Variants in GPC3 observed in about 807,000 individuals in gnomAD.
GPC3 encodes the protein glypican-3.
Under a neutral mutation model 34.4 loss-of-function variants are expected in GPC3, and 3 were observed. The observed-to-expected ratio is 0.09, with a 90% confidence interval of 0.04 to 0.23. GPC3 has a LOEUF of 0.23. Among genes scored for constraint, GPC3 ranks in the 10% least tolerant of loss-of-function variants. GPC3 has a pLI of 1.00. For missense variants in GPC3, 351 were observed against 445.6 expected, an observed-to-expected ratio of 0.79 and a Z score of 1.91; for synonymous variants, 177 against 174.0, an observed-to-expected ratio of 1.02 and a Z score of -0.13.
intron 5 of GPC3, among the ~76,000 whole-genome samples, chrX:133,667,685 C>T (rs1041434985): frequency 9.2e-6 from 1 of 109,093 alleles, no homozygotes; most frequent in African/African-American, 3.3e-5. Flanking sequence ...GCCTCATCTC[C>T]ACAAAAGACA....
intron 6 of GPC3, among the ~76,000 whole-genome samples, chrX:133,657,054 T>C (rs1396389266): frequency 8.9e-6 from 1 of 111,841 alleles, no homozygotes; most frequent in African/African-American, 3.2e-5. Flanking sequence ...GATGAGACTT[T>C]ATCTAACTTT....
intron 6 of GPC3, among the ~76,000 whole-genome samples, chrX:133,650,478 C>T (rs2088065020): frequency 9.0e-6 from 1 of 110,518 alleles, no homozygotes; most frequent in Admixed American, 9.7e-5. Context: ...CACACACACA[C>T]ACACACACAC....
At chrX:133,946,935 G>C (rs1188495095) in intron 2 of GPC3, among the ~76,000 whole-genome samples, 1 of 110,568 alleles carries the variant, frequency 9.0e-6, no homozygotes, top group Admixed American at 9.6e-5. Context: ...GAAGGGAAGG[G>C]GCTTTTAATT....
intron 1 of GPC3, 132 bp downstream of exon 1, chrX:133,985,143 C>T (rs2076560815): frequency 3.0e-6 from 2 of 675,245 alleles, no homozygotes; most frequent in South Asian, 2.5e-5. Context: ...CCAGGCACAC[C>T]GACCACTCCC....
intron 2 of GPC3, among the ~76,000 whole-genome samples, chrX:133,838,250 C>T (rs1236453398): frequency 3.6e-5 from 4 of 112,045 alleles, no homozygotes; most frequent in African/African-American, 1.3e-4. Context: ...TTTATTTTTT[C>T]CTGAAATACT....
chrX:133,643,146 G>A (rs2124382464), intron 6 of GPC3, among the ~76,000 whole-genome samples: 1 of 111,969 alleles, frequency 8.9e-6, no homozygotes, highest in South Asian at 3.8e-4. Context: ...CTAGAATCCT[G>A]GATGGTGTAG....
chrX:133,653,347 C>T (rs946998453), intron 6 of GPC3, among the ~76,000 whole-genome samples: 4 of 111,978 alleles, frequency 3.6e-5, no homozygotes, highest in Non-Finnish European at 5.6e-5. Context: ...AATCTGAATA[C>T]ACTGCCCTAA....
At chrX:133,665,764 A>T (rs1343345245) in intron 5 of GPC3, among the ~76,000 whole-genome samples, 1 of 111,880 alleles carries the variant, frequency 8.9e-6, no homozygotes, top group African/African-American at 3.2e-5. Flanking sequence ...CTCCTCTTTT[A>T]TGTTCATATA....
At chrX:133,705,761 C>T (rs1036113516) in intron 3 of GPC3, among the ~76,000 whole-genome samples, 1 of 112,332 alleles carries the variant, frequency 8.9e-6, no homozygotes, top group African/African-American at 3.2e-5. Flanking sequence ...ATTCTCTAAA[C>T]ATATTCCAAG....
chrX:133,887,414 A>G (rs1174393342), intron 2 of GPC3, among the ~76,000 whole-genome samples: 5 of 112,152 alleles, frequency 4.5e-5, no homozygotes, highest in Admixed American at 1.9e-4. Flanking sequence ...TGTTTCCCTA[A>G]TGATTAGTGA....
At chrX:133,639,010 T>C (rs986252655) in intron 6 of GPC3, among the ~76,000 whole-genome samples, 8 of 111,161 alleles carry the variant, frequency 7.2e-5, no homozygotes, top group African/African-American at 2.6e-4. Context: ...TAATTCAAAT[T>C]TATAACTGCC....
intron 2 of GPC3, among the ~76,000 whole-genome samples, chrX:133,824,714 A>G (rs1472431585): frequency 9.0e-6 from 1 of 111,301 alleles, no homozygotes; most frequent in Non-Finnish European, 1.9e-5. Flanking sequence ...ATAAATATGT[A>G]CAATTACAAT....
intron 6 of GPC3, among the ~76,000 whole-genome samples, chrX:133,659,333 C>T (rs1419622404): frequency 8.9e-6 from 1 of 112,139 alleles, no homozygotes; most frequent in Admixed American, 9.5e-5. Context: ...TAGTGACTGC[C>T]TGATCATATA....
chrX:133,915,169 TTTTA>T (rs752886175), intron 2 of GPC3, among the ~76,000 whole-genome samples: 1 of 108,596 alleles, frequency 9.2e-6, no homozygotes, highest in South Asian at 4.0e-4. Flanking sequence ...ATAATTGTCT[TTTTA>T]TTTATTTATT....
At chrX:133,818,627 G>C (rs1441289634) in intron 2 of GPC3, among the ~76,000 whole-genome samples, 1 of 111,584 alleles carries the variant, frequency 9.0e-6, no homozygotes, top group Admixed American at 9.5e-5. Context: ...GCAATAGATT[G>C]GTTGTCCCCC....
chrX:133,568,070 C>T (rs1343296659), intron 7 of GPC3, among the ~76,000 whole-genome samples: 1 of 111,948 alleles, frequency 8.9e-6, no homozygotes, highest in Non-Finnish European at 1.9e-5. Context: ...CAAAGGAGAG[C>T]GAAATCCTCA....
At chrX:133,681,130 T>G (rs1315772240) in intron 5 of GPC3, among the ~76,000 whole-genome samples, 1 of 111,901 alleles carries the variant, frequency 8.9e-6, no homozygotes, top group African/African-American at 3.3e-5. Context: ...AGAACAGCAA[T>G]AATAGCTACC....
intron 2 of GPC3, among the ~76,000 whole-genome samples, chrX:133,818,318 A>G (rs1374910574): frequency 8.9e-6 from 1 of 111,979 alleles, no homozygotes; most frequent in Non-Finnish European, 1.9e-5. Context: ...ATGCACAGGG[A>G]TGTATAACAT....
At chrX:133,666,203 T>G (rs1160699928) in intron 5 of GPC3, among the ~76,000 whole-genome samples, 1 of 112,004 alleles carries the variant, frequency 8.9e-6, no homozygotes. Flanking sequence ...TTTTTTAAAT[T>G]TCTTATCTCG....
Sources: allele counts gnomAD v4.1 joint callset (sites outside exome capture counted in the v4.1 genomes callset), GRCh38; gene constraint gnomAD v4.1.1; transcripts MANE v1.5; gene names NCBI Gene and HGNC (gene_info 2026-07-23, HGNC 2026-07-21).